The following TENM3 variants were observed in gnomAD, a reference collection of about 807,000 sequenced individuals.
TENM3 encodes the protein teneurin-3.
In TENM3, 63 loss-of-function variants were observed where a neutral mutation model predicts 255.1. That is an observed-to-expected ratio of 0.25 (90% CI 0.20 to 0.30). TENM3 has a LOEUF of 0.30. TENM3 is among the 10% of genes least tolerant of loss of function. The pLI is 1.00. For synonymous variants in TENM3, 1,306 were observed against 1,322.3 expected, an observed-to-expected ratio of 0.99 and a Z score of 0.27; for missense variants, 2,929 against 3,461.1, an observed-to-expected ratio of 0.85 and a Z score of 3.86.
At chr4:182,191,141 A>T (rs1033010650) in intron 1 of TENM3, among the ~76,000 whole-genome samples, 2 of 152,176 alleles carry the variant, frequency 1.3e-5, no homozygotes, top group Non-Finnish European at 2.9e-5. Flanking sequence ...TTGGGTGATA[A>T]AGATTTCAGC....
At chr4:182,796,560 T>G (rs1766508423) in intron 26 of TENM3, 77 bp from the exon 27 acceptor site, 2 of 1,333,808 alleles carry the variant, frequency 1.5e-6, no homozygotes, top group Admixed American at 5.9e-5. Flanking sequence ...TGGATTTTCT[T>G]TTTAAGGTAA....
chr4:181,605,495 A>G, the TENM3 span, among the ~76,000 whole-genome samples: 3 of 9,636 alleles, frequency 3.1e-4, no homozygotes, highest in Non-Finnish European at 6.7e-4. Flanking sequence ...AGAAAGAAAG[A>G]AAGAAAGAAA....
At chr4:181,550,694 C>G in the TENM3 span, among the ~76,000 whole-genome samples, 1 of 152,214 alleles carries the variant, frequency 6.6e-6, no homozygotes, top group Admixed American at 6.5e-5. Flanking sequence ...AGAGTCTATC[C>G]AAGTCTTTTA....
chr4:182,771,335 A>T (rs1247717978), intron 22 of TENM3, among the ~76,000 whole-genome samples: 1 of 152,198 alleles, frequency 6.6e-6, no homozygotes, highest in African/African-American at 2.4e-5. Flanking sequence ...ATCTATATAA[A>T]GCTAGAGTTC....
intron 13 of TENM3, 82 bp downstream of exon 13, chr4:182,714,315 CAAAAAAAAAAA>C (rs374337174): frequency 2.8e-5 from 4 of 140,958 alleles, no homozygotes; most frequent in African/African-American, 1.2e-4. Context: ...TATCTGTTGC[CAAAAAAAAAAA>C]AAAAAAAAAA....
intron 3 of TENM3, among the ~76,000 whole-genome samples, chr4:182,578,079 C>G (rs542394668): frequency 6.6e-6 from 1 of 152,080 alleles, no homozygotes; most frequent in East Asian, 1.9e-4. Context: ...CAGGTTCAAG[C>G]AATTCTCCTG....
At chr4:182,060,156 A>G in the TENM3 span, among the ~76,000 whole-genome samples, 1 of 152,056 alleles carries the variant, frequency 6.6e-6, no homozygotes, top group African/African-American at 2.4e-5. Context: ...AGGATCGCTT[A>G]AGTCCAGGAG....
At chr4:181,518,248 A>T in the TENM3 span, among the ~76,000 whole-genome samples, 1 of 152,108 alleles carries the variant, frequency 6.6e-6, no homozygotes, top group Non-Finnish European at 1.5e-5. Context: ...GTGGTAAAAA[A>T]TTTGGACTGG....
chr4:181,913,489 CTG>C, the TENM3 span, among the ~76,000 whole-genome samples: 14 of 152,148 alleles, frequency 9.2e-5, no homozygotes, highest in African/African-American at 3.4e-4. Flanking sequence ...GTCCCTACTG[CTG>C]TGTCTTTTCC....
the TENM3 span, among the ~76,000 whole-genome samples, chr4:182,130,690 G>GTT: frequency 2.1e-4 from 31 of 148,912 alleles, no homozygotes; most frequent in Admixed American, 3.4e-4. Flanking sequence ...CCTGTATGCC[G>GTT]TTTTTTTTTT....
chr4:182,473,396 G>A (rs1003250739), intron 3 of TENM3, among the ~76,000 whole-genome samples: 27 of 152,164 alleles, frequency 1.8e-4, no homozygotes, highest in African/African-American at 3.4e-4. Context: ...AAAACTGGCC[G>A]GGTGCCGTGG....
At chr4:182,224,280 T>C (rs1756012846) in intron 1 of TENM3, among the ~76,000 whole-genome samples, 2 of 152,200 alleles carry the variant, frequency 1.3e-5, no homozygotes, top group African/African-American at 2.4e-5. Flanking sequence ...AGACAACGTA[T>C]GGAAAAGGAA....
At chr4:182,786,555 TTAAAAAAA>T (rs1765672343) in intron 24 of TENM3, among the ~76,000 whole-genome samples, 1 of 75,004 alleles carries the variant, frequency 1.3e-5, no homozygotes, top group African/African-American at 8.2e-5. Context: ...AGACCCCGTC[TTAAAAAAA>T]AAAAAAAAAA....
intron 1 of TENM3, among the ~76,000 whole-genome samples, chr4:182,165,754 G>T (rs1054985279): frequency 6.6e-6 from 1 of 152,126 alleles, no homozygotes; most frequent in African/African-American, 2.4e-5. Flanking sequence ...CTTTTTTGGG[G>T]GGTGAAGCAG....
chr4:181,791,430 A>C, the TENM3 span, among the ~76,000 whole-genome samples: 1 of 152,260 alleles, frequency 6.6e-6, no homozygotes, highest in Middle Eastern at 3.2e-3. Flanking sequence ...TTATAAAATG[A>C]AACATGAAGA....
the TENM3 span, among the ~76,000 whole-genome samples, chr4:181,920,165 C>G: frequency 6.1e-3 from 924 of 151,996 alleles, 4 homozygotes; most frequent in African/African-American, 0.021. Flanking sequence ...CCAAGTCTTT[C>G]CTATTGTGAA....
At chr4:182,207,079 G>A (rs892305470) in intron 1 of TENM3, among the ~76,000 whole-genome samples, 4 of 152,190 alleles carry the variant, frequency 2.6e-5, no homozygotes, top group Non-Finnish European at 5.9e-5. Context: ...CAGGAACCCA[G>A]CAGGGCAAAT....
the TENM3 span, among the ~76,000 whole-genome samples, chr4:182,007,792 C>G: frequency 6.6e-6 from 1 of 152,136 alleles, no homozygotes; most frequent in South Asian, 2.1e-4. Context: ...ATTTTGCACA[C>G]TAGTTGATAC....
chr4:182,678,056 T>A (rs1755801336), intron 7 of TENM3, among the ~76,000 whole-genome samples: 1 of 152,050 alleles, frequency 6.6e-6, no homozygotes, highest in Non-Finnish European at 1.5e-5. Flanking sequence ...TTATATATAG[T>A]ACTATGGCAT....
Sources: allele counts gnomAD v4.1 joint callset (sites outside exome capture counted in the v4.1 genomes callset), GRCh38; gene constraint gnomAD v4.1.1; transcripts MANE v1.5; gene names NCBI Gene and HGNC (gene_info 2026-07-23, HGNC 2026-07-21).